NCK2: variants seen among roughly 807,000 people sequenced by gnomAD.
The protein encoded by NCK2 is NCK adaptor protein 2.
In NCK2, 16 loss-of-function variants were observed where a neutral mutation model predicts 33.9. The ratio of observed to expected loss-of-function variants is 0.47; its 90% CI spans 0.32 to 0.72. The LOEUF is 0.72. Ranked by LOEUF, NCK2 falls within the 30% of genes least tolerant of loss-of-function variation. The pLI is 0.03. For synonymous variants in NCK2, 273 were observed against 239.9 expected, an observed-to-expected ratio of 1.14 and a Z score of -1.27; for missense variants, 418 against 537.3, an observed-to-expected ratio of 0.78 and a Z score of 2.19.
chr2:105,878,675 T>C (rs1176401638), intron 3 of NCK2, among the ~76,000 whole-genome samples: 1 of 152,312 alleles, frequency 6.6e-6, no homozygotes, highest in Middle Eastern at 3.4e-3. Flanking sequence ...ATGTTCACAT[T>C]TGGGGGGTAA....
intron 1 of NCK2, among the ~76,000 whole-genome samples, chr2:105,769,986 G>A (rs1690076235): frequency 6.6e-6 from 1 of 152,082 alleles, no homozygotes; most frequent in Admixed American, 6.5e-5. Flanking sequence ...CTTTACCCTT[G>A]GTGCCTCCAT....
At chr2:105,864,773 T>C (rs1317422285) in intron 3 of NCK2, among the ~76,000 whole-genome samples, 1 of 151,216 alleles carries the variant, frequency 6.6e-6, no homozygotes, top group Non-Finnish European at 1.5e-5. Flanking sequence ...CACACATGAG[T>C]TTGGCCCTCC....
chr2:105,764,513 G>A (rs563298096), intron 1 of NCK2, among the ~76,000 whole-genome samples: 1 of 152,358 alleles, frequency 6.6e-6, no homozygotes, highest in Non-Finnish European at 1.5e-5. Context: ...CAGGTGAGCA[G>A]GAGGCAGAAT....
At chr2:105,884,984 T>G (rs1229831042) in intron 4 of NCK2, among the ~76,000 whole-genome samples, 5 of 152,212 alleles carry the variant, frequency 3.3e-5, no homozygotes, top group African/African-American at 1.2e-4. Context: ...ATAAATCCTT[T>G]TATATTACAT....
intron 1 of NCK2, among the ~76,000 whole-genome samples, chr2:105,775,113 T>C (rs1372889609): frequency 6.6e-6 from 1 of 152,220 alleles, no homozygotes; most frequent in Non-Finnish European, 1.5e-5. Flanking sequence ...CATCTGATGT[T>C]AGCTAAACTT....
intron 1 of NCK2, among the ~76,000 whole-genome samples, chr2:105,770,561 T>C (rs1402154721): frequency 6.6e-6 from 1 of 152,230 alleles, no homozygotes; most frequent in Admixed American, 6.5e-5. Flanking sequence ...CTATAGAATA[T>C]CTGTCATTTT....
chr2:105,872,501 C>T (rs534230598), intron 3 of NCK2, among the ~76,000 whole-genome samples: 53 of 152,268 alleles, frequency 3.5e-4, no homozygotes, highest in African/African-American at 1.3e-3. Context: ...CTCTTTATTG[C>T]GATTGTCACC....
At chr2:105,869,099 A>C (rs547525972) in intron 3 of NCK2, among the ~76,000 whole-genome samples, 2 of 152,248 alleles carry the variant, frequency 1.3e-5, no homozygotes, top group South Asian at 4.2e-4. Flanking sequence ...GGCTCCTCTC[A>C]TAGACCCACA....
chr2:105,810,521 G>A (rs1182533154), intron 1 of NCK2, among the ~76,000 whole-genome samples: 2 of 152,122 alleles, frequency 1.3e-5, no homozygotes, highest in Non-Finnish European at 2.9e-5. Flanking sequence ...CTTTTTACTG[G>A]TGTTGTCACT....
At chr2:105,880,929 G>C (rs1020526372) in intron 3 of NCK2, among the ~76,000 whole-genome samples, 5 of 142,982 alleles carry the variant, frequency 3.5e-5, no homozygotes, top group African/African-American at 1.3e-4. Flanking sequence ...TGCACCACAG[G>C]TGGCTAATTT....
chr2:105,865,539 C>G (rs922081968), intron 3 of NCK2, among the ~76,000 whole-genome samples: 2 of 152,168 alleles, frequency 1.3e-5, no homozygotes, highest in Non-Finnish European at 2.9e-5. Context: ...ATTTGCTGCC[C>G]TTGCGCTAGC....
intron 2 of NCK2, among the ~76,000 whole-genome samples, chr2:105,829,322 T>C (rs887638285): frequency 3.3e-5 from 5 of 152,308 alleles, no homozygotes; most frequent in South Asian, 4.1e-4. Context: ...AGAACACTTT[T>C]AGATTTACAG....
At chr2:105,845,650 T>G (rs2104561088) in intron 2 of NCK2, among the ~76,000 whole-genome samples, 1 of 152,206 alleles carries the variant, frequency 6.6e-6, no homozygotes, top group South Asian at 2.1e-4. Context: ...CACCTCAGCC[T>G]CCCAAAGTGC....
intron 3 of NCK2, among the ~76,000 whole-genome samples, chr2:105,859,827 C>T (rs1033568959): frequency 2.0e-5 from 3 of 152,190 alleles, no homozygotes; most frequent in Non-Finnish European, 2.9e-5. Context: ...GGCAGAGCCT[C>T]AGTGAAGGTA....
intron 2 of NCK2, among the ~76,000 whole-genome samples, chr2:105,819,326 T>TAAAA (rs35497405): frequency 9.6e-5 from 13 of 136,048 alleles, no homozygotes; most frequent in Non-Finnish European, 1.4e-4. Context: ...CCGTTTTCTT[T>TAAAA]AAAAAAAAAA....
intron 4 of NCK2, among the ~76,000 whole-genome samples, chr2:105,890,272 T>C (rs138116436): frequency 6.6e-6 from 1 of 152,330 alleles, no homozygotes; most frequent in Non-Finnish European, 1.5e-5. Context: ...GGAGCTTGAA[T>C]TAAAAGCAAA....
Position 105,775,124 on chromosome 2 carries a change from T to C in NCK2, c.-201+29986T>C, listed in dbSNP as rs1237413868. Reference sequence around the variant, plus strand: ...TTGTCATCTGATGTTAGCTAAACTTTAGTTTTTAAAAAATAGTAATAAGTG... The same window carrying C: ...TTGTCATCTGATGTTAGCTAAACTTCAGTTTTTAAAAAATAGTAATAAGTG... On this transcript the variant is annotated intron_variant, in intron 1 of 4. Coordinates refer to ENST00000233154, the MANE Select transcript of NCK2 (RefSeq NM_003581.5). Among the ~76,000 whole-genome samples the C allele has an allele frequency of 2.6e-5, 4 of 152,216 alleles. No individual in the cohort carries two copies. The East Asian group carries it at 5.8e-4, about 22-fold the overall frequency.
chr2:105,756,749 G>A (rs532811692), intron 1 of NCK2, among the ~76,000 whole-genome samples: 1 of 152,176 alleles, frequency 6.6e-6, no homozygotes, highest in Admixed American at 6.5e-5. Context: ...TTGCCTTCAC[G>A]CAGTGACTGC....
chr2:105,854,734 A>G (rs1037628328), intron 2 of NCK2: 1 of 243,676 alleles, frequency 4.1e-6, no homozygotes, highest in East Asian at 9.3e-5. Flanking sequence ...AGGCAGTGTT[A>G]CTTAATGAAA....
Sources: allele counts gnomAD v4.1 joint callset (sites outside exome capture counted in the v4.1 genomes callset), GRCh38; gene constraint gnomAD v4.1.1; transcripts MANE v1.5; gene names NCBI Gene and HGNC (gene_info 2026-07-23, HGNC 2026-07-21).